NCAM2: variants seen among roughly 807,000 people sequenced by gnomAD.
The protein encoded by NCAM2 is neural cell adhesion molecule 2, also known as N-CAM-2.
A neutral mutation model predicts 98.1 loss-of-function variants in NCAM2; 30 were observed. That is an observed-to-expected ratio of 0.31 (90% CI 0.23 to 0.41). NCAM2 has a LOEUF of 0.41. NCAM2 is among the 10% of genes least tolerant of loss of function. NCAM2 has a pLI of 1.00. For synonymous variants in NCAM2, 368 were observed against 342.4 expected (o/e 1.07, Z -0.83); for missense variants, 867 against 1,005.8 (o/e 0.86, Z 1.87).
At chr21:21,449,896 A>C (rs979779606) in intron 12 of NCAM2, among the ~76,000 whole-genome samples, 4 of 152,062 alleles carry the variant, frequency 2.6e-5, no homozygotes, top group Non-Finnish European at 4.4e-5. Flanking sequence ...TGTATAGATT[A>C]TGGAGATAAT....
intron 8 of NCAM2, among the ~76,000 whole-genome samples, chr21:21,353,676 G>T (rs1029394314): frequency 6.6e-6 from 1 of 152,068 alleles, no homozygotes; most frequent in East Asian, 1.9e-4. Flanking sequence ...TCTCACATCT[G>T]TCTTGCCTAA....
At chr21:21,286,057 T>C (rs941174169) in intron 3 of NCAM2, among the ~76,000 whole-genome samples, 1 of 151,914 alleles carries the variant, frequency 6.6e-6, no homozygotes, top group African/African-American at 2.4e-5. Context: ...CAGAACCTCA[T>C]ATGGCATTGA....
intron 1 of NCAM2, among the ~76,000 whole-genome samples, chr21:21,109,656 A>G (rs1217666724): frequency 1.3e-5 from 2 of 152,134 alleles, no homozygotes; most frequent in Non-Finnish European, 2.9e-5. Context: ...AATGTGTTGA[A>G]CCTCTAAAAT....
intron 9 of NCAM2, 67 bp downstream of exon 9, chr21:21,374,080 A>C (rs578013303): frequency 1.4e-6 from 2 of 1,472,174 alleles, no homozygotes; most frequent in Non-Finnish European, 1.9e-6. Flanking sequence ...TGATTTTTCA[A>C]TAAAGACCAA....
At chr21:21,025,178 C>G (rs868179534) in intron 1 of NCAM2, among the ~76,000 whole-genome samples, 1 of 151,878 alleles carries the variant, frequency 6.6e-6, no homozygotes, top group African/African-American at 2.4e-5. Context: ...CTCCGCCTCC[C>G]GGGTTCATGC....
chr21:21,311,776 A>AT (rs753657691), intron 5 of NCAM2, among the ~76,000 whole-genome samples: 4 of 69,596 alleles, frequency 5.7e-5, no homozygotes, highest in African/African-American at 1.9e-4. Flanking sequence ...GCTGTTGTAC[A>AT]TTTTTTTAAA....
At chr21:21,077,528 A>G (rs1038425028) in intron 1 of NCAM2, among the ~76,000 whole-genome samples, 2 of 152,218 alleles carry the variant, frequency 1.3e-5, no homozygotes, top group African/African-American at 4.8e-5. Context: ...GAGAATGCCC[A>G]TATGTAACAA....
chr21:21,261,960 T>C (rs1422028216), intron 1 of NCAM2, among the ~76,000 whole-genome samples: 1 of 152,112 alleles, frequency 6.6e-6, no homozygotes, highest in Non-Finnish European at 1.5e-5. Context: ...GATAGATGGC[T>C]AGCTAGATTA....
At chr21:21,116,718 G>A (rs906741139) in intron 1 of NCAM2, among the ~76,000 whole-genome samples, 1 of 152,090 alleles carries the variant, frequency 6.6e-6, no homozygotes, top group African/African-American at 2.4e-5. Flanking sequence ...AGCTGGGTGC[G>A]GTGGCAGGCA....
At chr21:21,325,317 G>A (rs1714416555) in intron 6 of NCAM2, among the ~76,000 whole-genome samples, 1 of 152,108 alleles carries the variant, frequency 6.6e-6, no homozygotes, top group Admixed American at 6.6e-5. Context: ...TAAGTATTAG[G>A]TTGTTGTTTT....
At chr21:21,501,973 A>C (rs1275399157) in intron 15 of NCAM2, among the ~76,000 whole-genome samples, 1 of 152,034 alleles carries the variant, frequency 6.6e-6, no homozygotes, top group African/African-American at 2.4e-5. Context: ...AATAAGAGTA[A>C]TTAGATACCT....
chr21:21,435,481 C>T (rs1359080206), intron 12 of NCAM2, among the ~76,000 whole-genome samples: 2 of 152,100 alleles, frequency 1.3e-5, no homozygotes, highest in African/African-American at 2.4e-5. Flanking sequence ...GGATTTTTTC[C>T]TCCGCCTAGT....
chr21:21,267,326 T>G (rs2072320955), intron 1 of NCAM2, among the ~76,000 whole-genome samples: 1 of 152,214 alleles, frequency 6.6e-6, no homozygotes, highest in Non-Finnish European at 1.5e-5. Context: ...GGCAATAGAC[T>G]GTTTTCATTT....
chr21:21,020,551 G>C (rs1302632392), intron 1 of NCAM2, among the ~76,000 whole-genome samples: 1 of 152,166 alleles, frequency 6.6e-6, no homozygotes, highest in Non-Finnish European at 1.5e-5. Context: ...CGTGACCACA[G>C]CACAAGCACA....
intron 14 of NCAM2, among the ~76,000 whole-genome samples, chr21:21,474,280 CT>C (rs1401120018): frequency 6.6e-6 from 1 of 151,986 alleles, no homozygotes; most frequent in African/African-American, 2.4e-5. Flanking sequence ...TTAGAGCTCC[CT>C]TTGGTTTCTT....
intron 1 of NCAM2, among the ~76,000 whole-genome samples, chr21:21,132,666 T>C (rs538583749): frequency 1.3e-5 from 2 of 152,342 alleles, no homozygotes; most frequent in South Asian, 4.1e-4. Context: ...AAGTTCCTCA[T>C]GCTCCAAAAT....
At chr21:21,336,170 C>A (rs2074861161) in intron 7 of NCAM2, among the ~76,000 whole-genome samples, 1 of 151,998 alleles carries the variant, frequency 6.6e-6, no homozygotes, top group Admixed American at 6.6e-5. Flanking sequence ...AAAACTAGTA[C>A]TTTACAGAAA....
intron 1 of NCAM2, among the ~76,000 whole-genome samples, chr21:21,219,489 G>T (rs149856035): frequency 1.6e-4 from 25 of 152,250 alleles, no homozygotes; most frequent in Non-Finnish European, 2.4e-4. Context: ...TAGTGACATT[G>T]TAGACTTTAT....
chr21:21,296,374 A>G lies in NCAM2; in HGVS notation c.619+4133A>G, dbSNP rs758414924. On this transcript the variant is annotated intron_variant, in intron 5 of 17. Coordinates refer to ENST00000400546, the MANE Select transcript of NCAM2 (RefSeq NM_004540.5). ...TTATTTAGGAGAATAGGGCAATAAT[A>G]TGTTGCAGACAGAAAGACCAACACT... Among the ~76,000 whole-genome samples the G allele has an allele frequency of 1.1e-3, 161 of 151,980 alleles. 1 individual carries two copies. Among genetic ancestry groups the G allele is most frequent in the African/African-American group, 3.8e-3 (156 of 41,526 alleles).
Sources: gnomAD v4.1 joint callset for allele counts (sites outside exome capture counted in the v4.1 genomes callset) on GRCh38, gnomAD v4.1.1 for gene constraint, MANE v1.5 for transcripts, NCBI Gene and HGNC (gene_info 2026-07-23, HGNC 2026-07-21) for gene names.